The following ZMYM2 variants were observed in gnomAD, a reference collection of about 807,000 sequenced individuals.
The protein encoded by ZMYM2 is zinc finger MYM-type containing 2.
In ZMYM2, 56 loss-of-function variants were observed where a neutral mutation model predicts 162.8. The ratio of observed to expected loss-of-function variants is 0.34; its 90% CI spans 0.28 to 0.43. ZMYM2 has a LOEUF of 0.43. ZMYM2 is among the 20% of genes least tolerant of loss of function. The pLI is 1.00. For synonymous variants in ZMYM2, 510 were observed against 541.6 expected (o/e 0.94, Z 0.81); for missense variants, 1,275 against 1,621.8 (o/e 0.79, Z 3.67).
chr13:19,998,447 C>G (rs9508993), intron 3 of ZMYM2, among the ~76,000 whole-genome samples: 1 of 151,874 alleles, frequency 6.6e-6, no homozygotes, highest in Non-Finnish European at 1.5e-5. Context: ...TAGAACACCC[C>G]GAGGAGCCAC....
At chr13:19,919,680 CT>C in the ZMYM2 span, among the ~76,000 whole-genome samples, 116,276 of 137,308 alleles carry the variant, frequency 0.85, 49,532 homozygotes, top group East Asian at 0.98. Context: ...TTTTCTTTTT[CT>C]TTTTTTTTTT....
chr13:20,021,862 C>A (rs1952137388), intron 7 of ZMYM2, among the ~76,000 whole-genome samples: 1 of 152,104 alleles, frequency 6.6e-6, no homozygotes, highest in Non-Finnish European at 1.5e-5. Flanking sequence ...CAAAATACGT[C>A]GGTAGATGTA....
the ZMYM2 span, among the ~76,000 whole-genome samples, chr13:19,878,711 G>T: frequency 2.0e-5 from 3 of 150,964 alleles, no homozygotes; most frequent in Middle Eastern, 6.8e-3. Flanking sequence ...TAGTAGAGAC[G>T]GGGTTTCACC....
chr13:19,962,515 A>ATATAT (rs1371972440), intron 2 of ZMYM2, among the ~76,000 whole-genome samples: 3 of 38,928 alleles, frequency 7.7e-5, no homozygotes, highest in Non-Finnish European at 1.2e-4. Context: ...ATATATATAT[A>ATATAT]TTTTTTTTTT....
At chr13:19,985,247 C>T (rs1949037516) in intron 2 of ZMYM2, among the ~76,000 whole-genome samples, 2 of 152,246 alleles carry the variant, frequency 1.3e-5, no homozygotes, top group South Asian at 2.1e-4. Flanking sequence ...CCTCAGCCCC[C>T]GAAGTAGCTG....
At chr13:19,955,945 A>G (rs1051769172), upstream of ZMYM2, among the ~76,000 whole-genome samples, 1 of 152,262 alleles carries the variant, frequency 6.6e-6, no homozygotes, top group Admixed American at 6.5e-5. Flanking sequence ...TGACAGGTAC[A>G]GAATAGATTA....
chr13:19,984,060 T>C (rs1160658603), intron 2 of ZMYM2, among the ~76,000 whole-genome samples: 4 of 152,244 alleles, frequency 2.6e-5, no homozygotes, highest in African/African-American at 9.6e-5. Flanking sequence ...TGTAATTCTT[T>C]AACGATACTT....
At position 20,006,448 on chromosome 13, in the gene ZMYM2, G is replaced by T; in HGVS notation, c.1374G>T (p.Met458Ile). 6.2e-7 allele frequency: 1 copy of T among 1,611,474 alleles called. No individual in the cohort carries two copies. Among genetic ancestry groups the T allele is most frequent in the Non-Finnish European group, 8.5e-7 (1 of 1,178,566 alleles). ...CSDHCFNRYR[M>I]ANGLIMNCCE... ...ACCACTGCTTTAATAGATATAGAATGGCCAATGGTTTAATAATGAATTGCT... is the reference window on the plus strand; with the variant it reads ...ACCACTGCTTTAATAGATATAGAATTGCCAATGGTTTAATAATGAATTGCT... The change falls in exon 6 of 25, where the codon ATG becomes ATT. Residue 458 changes from methionine (M) to isoleucine (I), a missense_variant. Met to Ile is a conservative substitution (Grantham distance 10, BLOSUM62 1). Coordinates refer to ENST00000610343, the MANE Select transcript of ZMYM2 (RefSeq NM_197968.4).
intron 6 of ZMYM2, among the ~76,000 whole-genome samples, chr13:20,010,144 G>A (rs1025425029): frequency 2.0e-5 from 3 of 152,056 alleles, no homozygotes; most frequent in Non-Finnish European, 2.9e-5. Context: ...TCATGGTTTT[G>A]ATTTGCATTT....
the ZMYM2 span, among the ~76,000 whole-genome samples, chr13:19,920,587 AGAG>A: frequency 4.0e-5 from 6 of 151,754 alleles, no homozygotes; most frequent in African/African-American, 7.3e-5. Context: ...TTAAGGGGAA[AGAG>A]GAGGAGAAGA....
chr13:19,991,499 T>C (rs1178996317), intron 2 of ZMYM2, among the ~76,000 whole-genome samples: 1 of 152,150 alleles, frequency 6.6e-6, no homozygotes, highest in African/African-American at 2.4e-5. Flanking sequence ...AAAATATTAG[T>C]TGAATATAGC....
At chr13:19,917,180 T>G in the ZMYM2 span, among the ~76,000 whole-genome samples, 101 of 152,190 alleles carry the variant, frequency 6.6e-4, no homozygotes, top group Non-Finnish European at 2.4e-4. Flanking sequence ...GCCAGGATGG[T>G]CTCAATCTCC....
chr13:20,030,533 G>A (rs1953013186), intron 9 of ZMYM2, among the ~76,000 whole-genome samples: 1 of 152,076 alleles, frequency 6.6e-6, no homozygotes, highest in Admixed American at 6.5e-5. Flanking sequence ...TGAGTAGCTG[G>A]TACTACAGGC....
intron 14 of ZMYM2, among the ~76,000 whole-genome samples, chr13:20,058,237 ACCCAAGTAT>A (rs1955958178): frequency 6.6e-6 from 1 of 152,232 alleles, no homozygotes; most frequent in African/African-American, 2.4e-5. Flanking sequence ...ATTTAAAAGT[ACCCAAGTAT>A]TTTCATAGTT....
the ZMYM2 span, among the ~76,000 whole-genome samples, chr13:19,888,054 C>T: frequency 3.4e-3 from 509 of 151,666 alleles, 1 homozygote; most frequent in South Asian, 0.026. Flanking sequence ...TAATTGTTGT[C>T]TTTTATGTAG....
chr13:20,015,863 G>T (rs1951580275), intron 6 of ZMYM2, among the ~76,000 whole-genome samples: 1 of 151,774 alleles, frequency 6.6e-6, no homozygotes, highest in African/African-American at 2.4e-5. Context: ...TGACCTGTTT[G>T]TATCTTTGGA....
At chr13:19,889,729 A>G in the ZMYM2 span, among the ~76,000 whole-genome samples, 20 of 151,680 alleles carry the variant, frequency 1.3e-4, 1 homozygote, top group African/African-American at 4.9e-4. Flanking sequence ...TTGGAGTTCC[A>G]GGGATTGCTG....
At chr13:19,897,969 T>C in the ZMYM2 span, among the ~76,000 whole-genome samples, 2 of 152,196 alleles carry the variant, frequency 1.3e-5, no homozygotes, top group Non-Finnish European at 2.9e-5. Flanking sequence ...AACAGAAGAC[T>C]GAAACAACAC....
At chr13:20,064,100 T>C (rs259786) in intron 18 of ZMYM2, among the ~76,000 whole-genome samples, 2,069 of 151,656 alleles carry the variant, frequency 0.014, 39 homozygotes, top group African/African-American at 0.046. Context: ...CTGAGTAGAA[T>C]GTAAAACATT....
Sources: allele counts gnomAD v4.1 joint callset (sites outside exome capture counted in the v4.1 genomes callset), GRCh38; gene constraint gnomAD v4.1.1; transcripts MANE v1.5; gene names NCBI Gene and HGNC (gene_info 2026-07-23, HGNC 2026-07-21).